COLQ: variants seen among roughly 807,000 people sequenced by gnomAD.
COLQ encodes the protein acetylcholinesterase collagenic tail peptide.
Under a neutral mutation model 69.0 loss-of-function variants are expected in COLQ, and 48 were observed. The ratio of observed to expected loss-of-function variants is 0.70; its 90% CI spans 0.55 to 0.88. The LOEUF (loss-of-function observed/expected upper bound fraction) is 0.88. Ranked by LOEUF, COLQ falls within the 40% of genes least tolerant of loss-of-function variation. The pLI is 0.00. For synonymous variants in COLQ, 217 were observed against 211.2 expected, an observed-to-expected ratio of 1.03 and a Z score of -0.24; for missense variants, 618 against 594.6, an observed-to-expected ratio of 1.04 and a Z score of -0.41.
intron 13 of COLQ, 123 bp downstream of exon 13, chr3:15,458,063 G>T (rs944989675): frequency 2.0e-6 from 2 of 1,018,580 alleles, no homozygotes; most frequent in African/African-American, 3.2e-5. Flanking sequence ...TTCCTATAAT[G>T]AGGGTGTACT....
chr3:15,506,579 A>G (rs562371144), intron 1 of COLQ: 1 of 152,340 alleles, frequency 6.6e-6, no homozygotes, highest in South Asian at 2.1e-4. Context: ...ATTCTATTAT[A>G]CATATGATAC....
chr3:15,486,632 A>G (rs1291944433), intron 3 of COLQ, among the ~76,000 whole-genome samples: 1 of 152,226 alleles, frequency 6.6e-6, no homozygotes. Context: ...GAAGATAGAA[A>G]TGCACCTCCG....
intron 15 of COLQ, among the ~76,000 whole-genome samples, chr3:15,454,525 C>A (rs1417929183): frequency 3.3e-5 from 5 of 152,150 alleles, no homozygotes; most frequent in Non-Finnish European, 5.9e-5. Context: ...GCAGAAGGGA[C>A]TCTGGGCAGG....
At chr3:15,512,887 AG>A (rs1362815159) in intron 1 of COLQ, among the ~76,000 whole-genome samples, 5 of 152,218 alleles carry the variant, frequency 3.3e-5, no homozygotes, top group Non-Finnish European at 4.4e-5. Context: ...CACAAAGCTA[AG>A]GGAACACAGG....
chr3:15,494,134 T>C (rs767357043), intron 1 of COLQ, among the ~76,000 whole-genome samples: 11 of 152,172 alleles, frequency 7.2e-5, no homozygotes, highest in Non-Finnish European at 1.3e-4. Context: ...TGGGGCTAGA[T>C]TGTGCTGTTT....
Position 15,474,220 on chromosome 3 carries a change from T to A in COLQ, c.600+8A>T, listed in dbSNP as rs767101650. The A allele has an allele frequency of 6.2e-7, 1 of 1,613,950 alleles. No individual in the cohort carries two copies. Among genetic ancestry groups the A allele is most frequent in the East Asian group, 2.2e-5 (1 of 44,888 alleles). ...TTATCATTTCTATGGAAAGGTTTTC[T>A]CCATTACCTTTTCTCCTTTGGGACC... On this transcript the variant is annotated splice_region_variant and intron_variant, in intron 9 of 16. Coordinates refer to ENST00000383788, the MANE Select transcript of COLQ (RefSeq NM_005677.4).
At chr3:15,512,877 C>T (rs1174779205) in intron 1 of COLQ, among the ~76,000 whole-genome samples, 2 of 152,174 alleles carry the variant, frequency 1.3e-5, no homozygotes, top group Non-Finnish European at 2.9e-5. Context: ...TTGCCAAGGT[C>T]ACAAAGCTAA....
At chr3:15,503,659 C>T (rs1313565887) in intron 1 of COLQ, among the ~76,000 whole-genome samples, 1 of 152,116 alleles carries the variant, frequency 6.6e-6, no homozygotes, top group Non-Finnish European at 1.5e-5. Context: ...GCAACAGCCC[C>T]ACAAGGTATA....
chr3:15,456,775 T>C (rs565877496), intron 13 of COLQ, among the ~76,000 whole-genome samples, 196 bp from the exon 14 acceptor site: 4 of 152,308 alleles, frequency 2.6e-5, no homozygotes, highest in African/African-American at 9.6e-5. Flanking sequence ...GAGTTCCTAA[T>C]GTCTGAGTTT....
At position 15,488,295 on chromosome 3, in the gene COLQ, C is replaced by T; in HGVS notation, c.232G>A (p.Asp78Asn). 1 of 1,613,510 alleles carries T rather than the reference C, an allele frequency of 6.2e-7. No individual in the cohort carries two copies. Among genetic ancestry groups the T allele is most frequent in the Non-Finnish European group, 8.5e-7 (1 of 1,179,982 alleles). The stretch of plus-strand genomic sequence containing the variant: ...AGTTCCAGCATGAGATTCTTCATGT[C>T]TGGGGAGAGAAGCTTCAGTACAAAG... ...RGGRSPLLSP[D>N]MKNLMLELET... The change falls in exon 3 of 17, where the codon GAC (aspartate) becomes AAC (asparagine). Residue 78 changes from aspartate (D) to asparagine (N), a missense_variant. Asp to Asn is a conservative substitution (Grantham distance 23). Coordinates refer to ENST00000383788, the MANE Select transcript of COLQ (RefSeq NM_005677.4).
At chr3:15,470,001 A>G (rs181057769) in intron 11 of COLQ, among the ~76,000 whole-genome samples, 2 of 152,310 alleles carry the variant, frequency 1.3e-5, no homozygotes, top group African/African-American at 4.8e-5. Context: ...GGCTTAACAC[A>G]AGAGCCTGCT....
At chr3:15,452,550 T>C (rs1335490003) in intron 16 of COLQ, among the ~76,000 whole-genome samples, 3 of 152,098 alleles carry the variant, frequency 2.0e-5, no homozygotes, top group Non-Finnish European at 2.9e-5. Context: ...GGGGAATAGC[T>C]GTGTAACCAC....
rs1320483615 is a variant in COLQ, at chr3:15,456,535, GGTGTTCA to G, written c.992_998del (p.Leu331ProfsTer27). The stretch of plus-strand genomic sequence containing the variant: ...CTCTGCGGAAGGCAATGGCGTTTTG[GGTGTTCA>G]GCCTCTCAAGCTCCTCCTGGTTGTT... On this transcript the variant is annotated frameshift_variant, in exon 14 of 17. Coordinates refer to ENST00000383788, the MANE Select transcript of COLQ (RefSeq NM_005677.4). LOFTEE classifies it high-confidence loss of function. The G allele has an allele frequency of 3.7e-6, 6 of 1,614,138 alleles. No homozygotes were observed. Among genetic ancestry groups the G allele is most frequent in the Non-Finnish European group, 5.1e-6 (6 of 1,180,022 alleles).
chr3:15,456,036 A>C lies in COLQ; in HGVS notation c.1075-17T>G, dbSNP rs1559511847. On this transcript the variant is annotated splice_polypyrimidine_tract_variant and intron_variant, in intron 14 of 16. Coordinates refer to ENST00000383788, the MANE Select transcript of COLQ (RefSeq NM_005677.4). ...AGGGGTCAGCTGGCCAAAGAAGCAC[A>C]CAGCATTAACTGGAGCATGGCATAC... 1.2e-6 allele frequency: 2 copies of C among 1,613,840 alleles called. No homozygotes were observed. The highest frequency in any genetic ancestry group is 2.7e-5 in the African/African-American group (2 of 75,040).
chr3:15,500,277 C>T (rs1181692285), intron 1 of COLQ, among the ~76,000 whole-genome samples: 1 of 152,152 alleles, frequency 6.6e-6, no homozygotes, highest in East Asian at 1.9e-4. Context: ...AGCAATAAGG[C>T]CAGGGAGTCC....
chr3:15,467,200 G>C (rs2062212715), intron 11 of COLQ, among the ~76,000 whole-genome samples: 1 of 152,230 alleles, frequency 6.6e-6, no homozygotes, highest in African/African-American at 2.4e-5. Flanking sequence ...AATGAGGGAG[G>C]ACAAAGATGC....
rs1277525985 is a variant in COLQ at position 15,458,322 on chromosome 3, T to C, written c.818A>G (p.Gln273Arg). ...TTCCCCTTTGGGTCCCATTATAAGT[T>C]GTCCTAGGAAGCAACAGACTGCTGT... Reference protein sequence around the residue: ...PGPPGPPPAGQLIMGPKGERG... With the variant: ...PGPPGPPPAGRLIMGPKGERG... The change falls in exon 13 of 17, where the codon CAA (glutamine) becomes CGA (arginine). Residue 273 changes from glutamine (Q) to arginine (R), a missense_variant. Physicochemically the swap from Gln to Arg is conservative, Grantham distance 43. Transcript: ENST00000383788. The C allele has an allele frequency of 6.2e-7, 1 of 1,614,056 alleles. No homozygotes were observed.
intron 3 of COLQ, among the ~76,000 whole-genome samples, chr3:15,481,730 G>C (rs1268087856): frequency 6.6e-6 from 1 of 152,180 alleles, no homozygotes; most frequent in Admixed American, 6.5e-5. Context: ...GTTTAAAGTA[G>C]TTTTTTCCAA....
intron 11 of COLQ, 30 bp from the exon 12 acceptor site, chr3:15,466,467 G>T: frequency 6.3e-7 from 1 of 1,587,962 alleles, no homozygotes; most frequent in South Asian, 1.1e-5. Context: ...AGCCTGTTAT[G>T]AAAGCATGAC....
Sources: allele counts gnomAD v4.1 joint callset (sites outside exome capture counted in the v4.1 genomes callset), GRCh38; gene constraint gnomAD v4.1.1; transcripts MANE v1.5; gene names NCBI Gene and HGNC (gene_info 2026-07-23, HGNC 2026-07-21).